Variants in CCDC141 observed in about 807,000 individuals in gnomAD.
The protein encoded by CCDC141 is coiled-coil domain-containing protein 141.
A neutral mutation model predicts 181.0 loss-of-function variants in CCDC141; 168 were observed. The ratio of observed to expected loss-of-function variants is 0.93; its 90% CI spans 0.82 to 1.05. The LOEUF (loss-of-function observed/expected upper bound fraction) is 1.05, where lower values mean the gene tolerates loss of function less well. Ranked by LOEUF, CCDC141 falls within the 50% of genes least tolerant of loss-of-function variation. CCDC141 has a pLI of 0.00. For missense variants in CCDC141, 1,902 were observed against 1,788.5 expected (o/e 1.06, Z -1.14); for synonymous variants, 666 against 642.3 (o/e 1.04, Z -0.56).
intron 6 of CCDC141, among the ~76,000 whole-genome samples, chr2:178,941,900 C>T (rs914882779): frequency 3.9e-5 from 5 of 126,922 alleles, no homozygotes; most frequent in Admixed American, 2.0e-4. Flanking sequence ...TTCGAGGCTG[C>T]GGTGAGTATG....
intron 7 of CCDC141, among the ~76,000 whole-genome samples, chr2:178,909,131 C>T (rs1468176547): frequency 6.6e-6 from 1 of 152,108 alleles, no homozygotes; most frequent in Admixed American, 6.5e-5. Flanking sequence ...TGTGAGATAC[C>T]ACTCCACCCT....
intron 2 of CCDC141, among the ~76,000 whole-genome samples, chr2:179,034,450 C>G (rs754996682): frequency 3.3e-5 from 5 of 152,168 alleles, no homozygotes; most frequent in Non-Finnish European, 5.9e-5. Context: ...ACCTCCATAA[C>G]ACAAGCTTCC....
chr2:178,978,562 C>T lies in CCDC141; in HGVS notation c.339G>A (p.Trp113Ter). Residue 113 changes from tryptophan (W) to a stop codon, truncating the protein, a stop_gained, in exon 3 of 24, where the codon TGG (tryptophan) becomes TGA (stop). Transcript: ENST00000443758. LOFTEE classifies it high-confidence loss of function. ...TTTCAAGCATGGACACCAGAGCTGC[C>T]CATGCTTCACCCAGAGTCTCGGCCA... ...DAMAETLGEA[W>*]AALVSMLERR... 6.5e-7 allele frequency: 1 copy of T among 1,549,724 alleles called. No homozygotes were observed. The highest frequency in any genetic ancestry group is 8.7e-7 in the Non-Finnish European group (1 of 1,146,642).
intron 2 of CCDC141, among the ~76,000 whole-genome samples, chr2:178,997,599 G>A (rs1039942778): frequency 1.3e-5 from 2 of 152,136 alleles, no homozygotes; most frequent in Admixed American, 1.3e-4. Context: ...TGTCACGTGT[G>A]TGTAGTAGTG....
At chr2:179,023,821 CAG>C (rs1423084277) in intron 2 of CCDC141, among the ~76,000 whole-genome samples, 3 of 152,210 alleles carry the variant, frequency 2.0e-5, no homozygotes, top group African/African-American at 4.8e-5. Context: ...GCTCTACCCA[CAG>C]AGAGTCTTAT....
chr2:178,835,608 T>C (rs975821442), intron 23 of CCDC141: 20 of 152,188 alleles, frequency 1.3e-4, no homozygotes, highest in Admixed American at 4.6e-4. Flanking sequence ...TTGAGCACAG[T>C]TGTAAATCTG....
intron 6 of CCDC141, among the ~76,000 whole-genome samples, chr2:178,934,169 C>T (rs750194193): frequency 3.9e-5 from 6 of 152,042 alleles, no homozygotes; most frequent in Admixed American, 2.0e-4. Flanking sequence ...CACACATTCC[C>T]CATGGCACCA....
intron 6 of CCDC141, among the ~76,000 whole-genome samples, chr2:178,919,131 A>C (rs1465819646): frequency 6.6e-6 from 1 of 152,104 alleles, no homozygotes; most frequent in East Asian, 1.9e-4. Context: ...AACCCAGAAG[A>C]GGGTTTTCAC....
chr2:178,970,142 A>C (rs1690818638), intron 4 of CCDC141, among the ~76,000 whole-genome samples: 1 of 152,222 alleles, frequency 6.6e-6, no homozygotes, highest in South Asian at 2.1e-4. Flanking sequence ...AAATGGAAAA[A>C]CATCCCATGC....
chr2:178,861,070 T>C (rs957341293), intron 17 of CCDC141, among the ~76,000 whole-genome samples: 1 of 152,188 alleles, frequency 6.6e-6, no homozygotes, highest in Non-Finnish European at 1.5e-5. Context: ...ACCATCCAGA[T>C]GGACCCAGGA....
chr2:178,986,706 T>G (rs1691762257), intron 2 of CCDC141, among the ~76,000 whole-genome samples: 1 of 151,680 alleles, frequency 6.6e-6, no homozygotes, highest in Admixed American at 6.6e-5. Context: ...ATGAGTGAAC[T>G]CCCATTCACA....
chr2:179,031,484 G>A (rs1005594955), intron 2 of CCDC141, among the ~76,000 whole-genome samples: 1 of 151,684 alleles, frequency 6.6e-6, no homozygotes, highest in Non-Finnish European at 1.5e-5. Flanking sequence ...CAATTTCATT[G>A]ATTTCTGCTT....
chr2:178,926,516 A>C (rs1238484134), intron 6 of CCDC141: 2 of 152,192 alleles, frequency 1.3e-5, no homozygotes, highest in African/African-American at 4.8e-5. Flanking sequence ...CCTCACCCTT[A>C]GGCGCCTTGA....
chr2:178,888,377 C>T (rs1686985830), intron 9 of CCDC141, 150 bp downstream of exon 9: 2 of 709,050 alleles, frequency 2.8e-6, no homozygotes, highest in Non-Finnish European at 4.7e-6. Flanking sequence ...TGAATTACAA[C>T]TCTGTTTAGT....
chr2:178,865,513 T>C (rs1685806265), intron 17 of CCDC141, among the ~76,000 whole-genome samples: 1 of 152,180 alleles, frequency 6.6e-6, no homozygotes, highest in Non-Finnish European at 1.5e-5. Flanking sequence ...ACTGTACTAC[T>C]GAATTATAGG....
chr2:179,045,425 G>C (rs1469045284), intron 2 of CCDC141, among the ~76,000 whole-genome samples: 1 of 151,698 alleles, frequency 6.6e-6, no homozygotes, highest in Non-Finnish European at 1.5e-5. Context: ...TTGGACATTT[G>C]GGTTGGCTCC....
intron 2 of CCDC141, among the ~76,000 whole-genome samples, chr2:179,035,590 C>T (rs2043122130): frequency 1.3e-5 from 2 of 152,190 alleles, no homozygotes; most frequent in Non-Finnish European, 1.5e-5. Context: ...GAATCTACTT[C>T]CAAGGTGGCT....
At chr2:178,994,439 G>T (rs1398410637) in intron 2 of CCDC141, among the ~76,000 whole-genome samples, 1 of 151,922 alleles carries the variant, frequency 6.6e-6, no homozygotes, top group South Asian at 2.1e-4. Context: ...GGAGTGGCTC[G>T]GTTGCAGGGC....
At chr2:178,878,693 G>A (rs2154369843) in intron 11 of CCDC141, among the ~76,000 whole-genome samples, 1 of 152,190 alleles carries the variant, frequency 6.6e-6, no homozygotes, top group South Asian at 2.1e-4. Flanking sequence ...TATTTGGATT[G>A]TTGATTGTTT....
Sources: allele counts gnomAD v4.1 joint callset (sites outside exome capture counted in the v4.1 genomes callset), GRCh38; gene constraint gnomAD v4.1.1; transcripts MANE v1.5; gene names NCBI Gene and HGNC (gene_info 2026-07-23, HGNC 2026-07-21).